Variants in ZNF804A observed in about 807,000 individuals in gnomAD.
ZNF804A encodes zinc finger protein 804A.
Under a neutral mutation model 16.5 loss-of-function variants are expected in ZNF804A, and 2 were observed. The observed-to-expected ratio is 0.12, with a 90% CI of 0.05 to 0.38. The LOEUF is 0.38. ZNF804A is among the 10% of genes least tolerant of loss of function. ZNF804A has a pLI of 0.99. For synonymous variants in ZNF804A, 534 were observed against 489.6 expected, an observed-to-expected ratio of 1.09 and a Z score of -1.20; for missense variants, 1,473 against 1,390.7, an observed-to-expected ratio of 1.06 and a Z score of -0.94.
At chr2:184,828,584 T>A (rs895401923) in intron 1 of ZNF804A, among the ~76,000 whole-genome samples, 2 of 151,828 alleles carry the variant, frequency 1.3e-5, no homozygotes, top group African/African-American at 4.8e-5. Flanking sequence ...TAGTTTCTCT[T>A]ATTTATGCTT....
At chr2:184,879,093 C>T (rs1437779784) in intron 2 of ZNF804A, among the ~76,000 whole-genome samples, 1 of 151,758 alleles carries the variant, frequency 6.6e-6, no homozygotes, top group East Asian at 1.9e-4. Flanking sequence ...AAAATGATGC[C>T]TCACGGAGTA....
chr2:184,784,372 A>G (rs1406668942), intron 1 of ZNF804A, among the ~76,000 whole-genome samples: 1 of 151,980 alleles, frequency 6.6e-6, no homozygotes, highest in East Asian at 1.9e-4. Flanking sequence ...TATGTATTAC[A>G]TACTACATAT....
At chr2:184,827,031 A>C (rs1294186367) in intron 1 of ZNF804A, among the ~76,000 whole-genome samples, 1 of 151,950 alleles carries the variant, frequency 6.6e-6, no homozygotes, top group African/African-American at 2.4e-5. Context: ...CTCAAAATTC[A>C]ATCAATTCAC....
intron 1 of ZNF804A, among the ~76,000 whole-genome samples, chr2:184,611,260 G>T (rs1296976510): frequency 6.6e-6 from 1 of 152,094 alleles, no homozygotes; most frequent in Admixed American, 6.5e-5. Context: ...TTGGGGCTTA[G>T]AATTTCAACA....
intron 1 of ZNF804A, among the ~76,000 whole-genome samples, chr2:184,622,574 C>T (rs1359524843): frequency 6.6e-6 from 1 of 151,730 alleles, no homozygotes; most frequent in African/African-American, 2.4e-5. Flanking sequence ...CCAATTTATG[C>T]CATATATATA....
intron 1 of ZNF804A, among the ~76,000 whole-genome samples, chr2:184,858,187 G>A (rs1294286107): frequency 2.0e-5 from 3 of 151,388 alleles, no homozygotes; most frequent in Admixed American, 6.6e-5. Flanking sequence ...ATTTTTTATA[G>A]TTGTAAGAGG....
intron 2 of ZNF804A, among the ~76,000 whole-genome samples, chr2:184,897,583 A>G (rs949680261): frequency 3.9e-5 from 6 of 152,140 alleles, no homozygotes; most frequent in African/African-American, 1.2e-4. Flanking sequence ...GTATCTAAAT[A>G]AATAATTTGG....
At chr2:184,684,014 C>A (rs769735303) in intron 1 of ZNF804A, among the ~76,000 whole-genome samples, 1 of 152,158 alleles carries the variant, frequency 6.6e-6, no homozygotes, top group Non-Finnish European at 1.5e-5. Flanking sequence ...CCTTGATCTC[C>A]TCTTCCATAT....
In ZNF804A at chr2:184,843,407, C is replaced by T. The variant is rs1246624518; in HGVS notation, c.112-22962C>T. Reference sequence around the variant, plus strand: ...CCTCCTGAGTAGCTGGGACTACAGGCACCTGCCACCATGCCCGGCTAATTT... The same window carrying T: ...CCTCCTGAGTAGCTGGGACTACAGGTACCTGCCACCATGCCCGGCTAATTT... On this transcript the variant is annotated intron_variant, in intron 1 of 3. Coordinates refer to ENST00000302277, the MANE Select transcript of ZNF804A (RefSeq NM_194250.2). Among the ~76,000 whole-genome samples the T allele has an allele frequency of 2.0e-5, 3 of 151,994 alleles. No homozygotes were observed. In the East Asian group the frequency reaches 5.8e-4, roughly 30 times the overall value.
intron 1 of ZNF804A, among the ~76,000 whole-genome samples, chr2:184,721,186 C>G (rs1228564815): frequency 6.6e-6 from 1 of 152,036 alleles, no homozygotes; most frequent in African/African-American, 2.4e-5. Flanking sequence ...TTTGCCTAGG[C>G]AAAGATTTTG....
chr2:184,756,853 C>T (rs1366487811), intron 1 of ZNF804A, among the ~76,000 whole-genome samples: 2 of 151,720 alleles, frequency 1.3e-5, no homozygotes, highest in South Asian at 4.2e-4. Context: ...AATTTGTTTC[C>T]CTGCTTTTAT....
At chr2:184,705,474 A>G (rs1693009242) in intron 1 of ZNF804A, among the ~76,000 whole-genome samples, 1 of 152,130 alleles carries the variant, frequency 6.6e-6, no homozygotes, top group Non-Finnish European at 1.5e-5. Context: ...GATAACCCAG[A>G]ATATATTCTC....
chr2:184,899,400 T>C (rs1172351751), intron 2 of ZNF804A, among the ~76,000 whole-genome samples: 2 of 152,042 alleles, frequency 1.3e-5, no homozygotes, highest in Non-Finnish European at 2.9e-5. Flanking sequence ...ATCTCTTTTT[T>C]ACTTGCTAAC....
intron 1 of ZNF804A, among the ~76,000 whole-genome samples, chr2:184,656,799 T>C (rs1371870747): frequency 6.6e-6 from 1 of 152,012 alleles, no homozygotes; most frequent in African/African-American, 2.4e-5. Context: ...CATTTTCCAG[T>C]GTCCCTTCTG....
Position 184,723,580 on chromosome 2 carries a change from A to G in ZNF804A, c.111+124510A>G, listed in dbSNP as rs116766125. The stretch of plus-strand genomic sequence containing the variant: ...TATAGGAACACCATTCAACCATTAC[A>G]TATTAGTGTTTTCATCCGAAGTTGT... On this transcript the variant is annotated intron_variant, in intron 1 of 3. Transcript: ENST00000302277. Among the ~76,000 whole-genome samples the G allele has an allele frequency of 4.4e-3, 673 of 151,920 alleles. 5 individuals carry two copies. The highest frequency in any genetic ancestry group is 8.0e-3 in the Non-Finnish European group (540 of 67,742).
At chr2:184,761,862 T>C (rs1164624383) in intron 1 of ZNF804A, among the ~76,000 whole-genome samples, 1 of 152,152 alleles carries the variant, frequency 6.6e-6, no homozygotes, top group Non-Finnish European at 1.5e-5. Flanking sequence ...TCTGGCATTA[T>C]TCCTGGCTGC....
At chr2:184,618,347 G>A (rs1691360421) in intron 1 of ZNF804A, among the ~76,000 whole-genome samples, 1 of 151,976 alleles carries the variant, frequency 6.6e-6, no homozygotes, top group Non-Finnish European at 1.5e-5. Context: ...TTTCAGGTTT[G>A]TTTTTCACCT....
intron 1 of ZNF804A, among the ~76,000 whole-genome samples, chr2:184,671,757 T>C (rs1267271051): frequency 6.6e-6 from 1 of 152,248 alleles, no homozygotes; most frequent in Non-Finnish European, 1.5e-5. Flanking sequence ...CTCCCTTGCT[T>C]AATTGTGAAC....
At chr2:184,629,054 A>C (rs1691558807) in intron 1 of ZNF804A, among the ~76,000 whole-genome samples, 1 of 152,080 alleles carries the variant, frequency 6.6e-6, no homozygotes, top group Admixed American at 6.6e-5. Context: ...CTAATTTGTG[A>C]AAAGTGTTAG....
Sources: gnomAD v4.1 joint callset for allele counts (sites outside exome capture counted in the v4.1 genomes callset) on GRCh38, gnomAD v4.1.1 for gene constraint, MANE v1.5 for transcripts, NCBI Gene and HGNC (gene_info 2026-07-23, HGNC 2026-07-21) for gene names.